The following XPR1 variants were observed in gnomAD, a reference collection of about 807,000 sequenced individuals.
XPR1 encodes the protein solute carrier family 53 member 1.
A neutral mutation model predicts 87.5 loss-of-function variants in XPR1; 28 were observed. That is an observed-to-expected ratio of 0.32 (90% CI 0.24 to 0.44). The LOEUF is 0.44. Ranked by LOEUF, XPR1 falls within the 20% of genes least tolerant of loss-of-function variation. The pLI is 1.00. For missense variants in XPR1, 559 were observed against 862.3 expected (o/e 0.65, Z 4.41); for synonymous variants, 300 against 306.1 (o/e 0.98, Z 0.21).
At chr1:180,856,159 T>C (rs1046439465) in intron 11 of XPR1, among the ~76,000 whole-genome samples, 31 of 152,286 alleles carry the variant, frequency 2.0e-4, no homozygotes, top group African/African-American at 7.0e-4. Context: ...TCCATTCCTA[T>C]AACCACAATA....
intron 1 of XPR1, among the ~76,000 whole-genome samples, chr1:180,662,697 T>C (rs1227077510): frequency 6.6e-6 from 1 of 152,190 alleles, no homozygotes; most frequent in Non-Finnish European, 1.5e-5. Context: ...TCTGTTATTA[T>C]CTCTTTGAAT....
Position 180,692,258 on chromosome 1 carries a change from A to C in XPR1, c.121+9847A>C, listed in dbSNP as rs545975460. Reference sequence around the variant, plus strand: ...AAGTGGGATAATGTTGCATGAGAAGACTATACAAGGGACTAGTAGTGAGGT... The same window carrying C: ...AAGTGGGATAATGTTGCATGAGAAGCCTATACAAGGGACTAGTAGTGAGGT... On this transcript the variant is annotated intron_variant, in intron 2 of 14. Transcript: ENST00000367590. 2.0e-5 allele frequency among the ~76,000 whole-genome samples: 3 copies of C among 152,136 alleles called. No homozygotes were observed. In the East Asian group the frequency reaches 5.8e-4, roughly 29 times the overall value.
intron 3 of XPR1, 78 bp downstream of exon 3, chr1:180,787,932 A>T: frequency 9.4e-7 from 1 of 1,068,608 alleles, no homozygotes; most frequent in Non-Finnish European, 1.4e-6. Context: ...ACTTCTGATC[A>T]ATGTTTTTAA....
chr1:180,651,391 C>T (rs1053940033), intron 1 of XPR1, among the ~76,000 whole-genome samples: 9 of 152,070 alleles, frequency 5.9e-5, no homozygotes, highest in African/African-American at 7.2e-5. Flanking sequence ...GCACCTCGCC[C>T]GGAATCCATT....
chr1:180,888,181 T>C lies in XPR1; in HGVS notation c.*4115T>C, dbSNP rs1653075834. The C allele has an allele frequency of 6.6e-6, 1 of 152,174 alleles. No homozygotes were observed. The allele number at this position is 152,174 out of a possible 1,614,324, so 9.4% of individuals were successfully genotyped here. Reference sequence around the variant, plus strand: ...TCATCTTTTCCCCATTACTTTGCATTATTCAGGAAATAATTATTTATTCCC... The same window carrying C: ...TCATCTTTTCCCCATTACTTTGCATCATTCAGGAAATAATTATTTATTCCC... On this transcript the variant is annotated 3_prime_UTR_variant, in exon 15 of 15. Transcript: ENST00000367590.
At chr1:180,780,129 A>G (rs1250422278) in intron 2 of XPR1, among the ~76,000 whole-genome samples, 2 of 152,200 alleles carry the variant, frequency 1.3e-5, no homozygotes, top group East Asian at 1.9e-4. Context: ...ACATTCATAT[A>G]TGAGTTTTTC....
At chr1:180,863,028 C>T (rs953373343) in intron 11 of XPR1, among the ~76,000 whole-genome samples, 1 of 152,060 alleles carries the variant, frequency 6.6e-6, no homozygotes, top group African/African-American at 2.4e-5. Flanking sequence ...TAAGTATTTT[C>T]AGCATAAAGC....
At chr1:180,676,093 TTCA>T (rs1656359484) in intron 1 of XPR1, among the ~76,000 whole-genome samples, 3 of 152,322 alleles carry the variant, frequency 2.0e-5, no homozygotes, top group Non-Finnish European at 4.4e-5. Context: ...AAAATTCAAA[TTCA>T]TCATCTTCAG....
At position 180,880,256 on chromosome 1, in the gene XPR1, C is replaced by T; in HGVS notation, c.1989C>T (p.Tyr663=). The change falls in exon 14 of 15, where the codon TAC becomes TAT. Residue 663 remains tyrosine (Y), a synonymous_variant. Coordinates refer to ENST00000367590, the MANE Select transcript of XPR1 (RefSeq NM_004736.4). ...GCCAGAAGAATCGGTCATGGAAGTA[C>T]AACCAGAGCATATCCCTGCGCCGGC... ...RNRQKNRSWK[Y]NQSISLRRPR... The T allele has an allele frequency of 6.2e-7, 1 of 1,614,192 alleles. No homozygotes were observed. Among genetic ancestry groups the T allele is most frequent in the Non-Finnish European group, 8.5e-7 (1 of 1,180,024 alleles).
chr1:180,880,224 C>G lies in XPR1; in HGVS notation c.1957C>G (p.Arg653Gly). 1 of 1,614,116 alleles carries G rather than the reference C, an allele frequency of 6.2e-7. No individual in the cohort carries two copies. Among genetic ancestry groups the G allele is most frequent in the Non-Finnish European group, 8.5e-7 (1 of 1,180,014 alleles). ...GATGATGGACCAGGATGATGGGGTA[C>G]GAAACCGCCAGAAGAATCGGTCATG... ...EQMMDQDDGV[R>G]NRQKNRSWKY... Residue 653 changes from arginine (R) to glycine (G), a missense_variant, in exon 14 of 15, where the codon CGA (arginine) becomes GGA (glycine). Around this residue, in one of 7 missense-constraint regions of XPR1, gnomAD observed 80 missense variants for 99.5 expected, o/e 0.80. Coordinates refer to ENST00000367590, the MANE Select transcript of XPR1 (RefSeq NM_004736.4).
In XPR1 at chr1:180,710,409, G is replaced by A. The variant is rs962225483; in HGVS notation, c.121+27998G>A. ...TTAGGGAGTGGTGATGACTCTTAAC[G>A]AGCATGCTGCCTTCAAGCATCTGTT... On this transcript the variant is annotated intron_variant, in intron 2 of 14. Coordinates refer to ENST00000367590, the MANE Select transcript of XPR1 (RefSeq NM_004736.4). Among the ~76,000 whole-genome samples the A allele has an allele frequency of 5.3e-5, 8 of 152,124 alleles. No individual in the cohort carries two copies. In the East Asian group the frequency reaches 7.7e-4, roughly 15 times the overall value.
intron 2 of XPR1, among the ~76,000 whole-genome samples, chr1:180,769,324 G>A (rs1323722342): frequency 6.7e-6 from 1 of 149,142 alleles, no homozygotes; most frequent in Non-Finnish European, 1.5e-5. Context: ...TAGTTACCAT[G>A]TTTTGCTATC....
intron 7 of XPR1, among the ~76,000 whole-genome samples, chr1:180,815,261 A>ATAC (rs1650367267): frequency 6.6e-6 from 1 of 151,338 alleles, no homozygotes; most frequent in Non-Finnish European, 1.5e-5. Context: ...TTTTTTGTTT[A>ATAC]GTATATACAG....
At chr1:180,675,019 A>T (rs2101935653) in intron 1 of XPR1, among the ~76,000 whole-genome samples, 1 of 152,276 alleles carries the variant, frequency 6.6e-6, no homozygotes, top group Non-Finnish European at 1.5e-5. Flanking sequence ...TTACTGTTAT[A>T]TGAGTTGTTA....
intron 2 of XPR1, among the ~76,000 whole-genome samples, chr1:180,697,607 C>G (rs188924533): frequency 5.9e-5 from 9 of 152,184 alleles, no homozygotes; most frequent in Non-Finnish European, 1.3e-4. Flanking sequence ...TTCCTCAGCA[C>G]TGTTTTAACA....
At position 180,873,892 on chromosome 1, in the gene XPR1, T is replaced by G. The variant is rs539256328; in HGVS notation, c.1758T>G (p.Pro586=). ...CGATTACCTCTACAACTTTGTTGCCTCATTCTGGGGACATCATTGCTACTG... is the reference window on the plus strand; with the variant it reads ...CGATTACCTCTACAACTTTGTTGCCGCATTCTGGGGACATCATTGCTACTG... The part of the protein sequence containing the change: ...QISITSTTLL[P]HSGDIIATVF... Residue 586 remains proline, a synonymous_variant, in exon 13 of 15, where the codon CCT becomes CCG. Transcript: ENST00000367590. The G allele has an allele frequency of 6.2e-7, 1 of 1,614,188 alleles. No homozygotes were observed. The highest frequency in any genetic ancestry group is 8.5e-7 in the Non-Finnish European group (1 of 1,180,020).
At chr1:180,831,027 A>G (rs956166358) in intron 9 of XPR1, among the ~76,000 whole-genome samples, 1 of 152,218 alleles carries the variant, frequency 6.6e-6, no homozygotes, top group Admixed American at 6.5e-5. Context: ...TACATTTATC[A>G]TGTGTTCAGA....
rs1488789114 is a variant in XPR1, at chr1:180,682,372, A to G, written c.82A>G (p.Met28Val). The G allele has an allele frequency of 6.2e-7, 1 of 1,603,352 alleles. No homozygotes were observed. Among genetic ancestry groups the G allele is most frequent in the Non-Finnish European group, 8.5e-7 (1 of 1,174,476 alleles). ...QYIQYEAFKD[M>V]LYSAQDQAPS... ...TTCTTTCTAATAGGCTTTCAAGGAT[A>G]TGCTGTATTCAGCTCAGGACCAGGC... Residue 28 changes from methionine to valine, a missense_variant, in exon 2 of 15, where the codon ATG becomes GTG. Coordinates refer to ENST00000367590, the MANE Select transcript of XPR1 (RefSeq NM_004736.4).
chr1:180,644,821 G>A (rs1377341732), intron 1 of XPR1, among the ~76,000 whole-genome samples: 2 of 151,782 alleles, frequency 1.3e-5, no homozygotes, highest in South Asian at 2.1e-4. Flanking sequence ...TATTTACATT[G>A]TAGTATATAA....
Sources: gnomAD v4.1 joint callset for allele counts (sites outside exome capture counted in the v4.1 genomes callset) on GRCh38, gnomAD v4.1.1 for gene constraint, gnomAD v4.1.1 regional missense constraint, MANE v1.5 for transcripts, NCBI Gene and HGNC (gene_info 2026-07-23, HGNC 2026-07-21) for gene names.